Variants in CTNNA3 observed in about 807,000 individuals in gnomAD.
CTNNA3 encodes catenin alpha 3, also known as catenin alpha-3.
CTNNA3 carries 76 observed loss-of-function variants against 95.7 expected under a neutral mutation model. The ratio of observed to expected loss-of-function variants is 0.79; its 90% CI spans 0.66 to 0.96. CTNNA3 has a LOEUF of 0.96. CTNNA3 is among the 40% of genes least tolerant of loss of function. The pLI, the probability that CTNNA3 is intolerant of heterozygous loss-of-function variation, is 0.00. For missense variants in CTNNA3, 1,191 were observed against 1,089.8 expected, an observed-to-expected ratio of 1.09 and a Z score of -1.31; for synonymous variants, 431 against 374.4, an observed-to-expected ratio of 1.15 and a Z score of -1.74.
chr10:67,358,550 A>G (rs1171098913), intron 5 of CTNNA3, among the ~76,000 whole-genome samples: 1 of 152,148 alleles, frequency 6.6e-6, no homozygotes, highest in Non-Finnish European at 1.5e-5. Flanking sequence ...CTAGTCCTGC[A>G]AAGGCCCTAA....
chr10:67,627,391 T>C (rs1039975940), intron 2 of CTNNA3, among the ~76,000 whole-genome samples: 1 of 152,190 alleles, frequency 6.6e-6, no homozygotes, highest in African/African-American at 2.4e-5. Context: ...GAGGGACCTG[T>C]GTCCAGTATC....
intron 3 of CTNNA3, among the ~76,000 whole-genome samples, chr10:67,543,874 C>T (rs1397359513): frequency 6.6e-6 from 1 of 151,944 alleles, no homozygotes; most frequent in Non-Finnish European, 1.5e-5. Context: ...TTTTAGCAGA[C>T]AATTATTTTA....
chr10:66,021,999 T>TGTA (rs1301848662), intron 15 of CTNNA3, among the ~76,000 whole-genome samples: 1 of 151,792 alleles, frequency 6.6e-6, no homozygotes, highest in Admixed American at 6.6e-5. Context: ...ACTACAGGTA[T>TGTA]GTGCCACCAC....
chr10:66,213,426 T>G lies in CTNNA3; in HGVS notation c.1884+67044A>C, dbSNP rs541316923. Among the ~76,000 whole-genome samples the G allele has an allele frequency of 4.6e-5, 7 of 152,318 alleles. No homozygotes were observed. The South Asian group carries it at 8.3e-4, about 18-fold the overall frequency. ...TTATATATCATACTAGCTAGATGAA[T>G]TACTGACTACGCTACATTTTTTCCT... On this transcript the variant is annotated intron_variant, in intron 13 of 17. Transcript: ENST00000433211.
In CTNNA3 at chr10:65,938,898, T is replaced by TC. The variant is rs1008353297; in HGVS notation, c.2401-18282_2401-18281insG. On this transcript the variant is annotated intron_variant, in intron 17 of 17. Transcript: ENST00000433211. ...TAGTAGAAAGAGTTTTCCTTTTTTTTTTTCTCTTTTTTCTTTTCTTTTTAG... is the reference window on the plus strand; with the variant it reads ...TAGTAGAAAGAGTTTTCCTTTTTTTTCTTTCTCTTTTTTCTTTTCTTTTTAG... Among the ~76,000 whole-genome samples, 44 of 149,956 alleles carry TC rather than the reference T, an allele frequency of 2.9e-4. 1 individual carries two copies. The highest frequency in any genetic ancestry group is 1.1e-3 in the African/African-American group (42 of 39,934).
chr10:66,540,894 G>C (rs939390353), intron 10 of CTNNA3, among the ~76,000 whole-genome samples: 2 of 151,922 alleles, frequency 1.3e-5, no homozygotes, highest in African/African-American at 4.8e-5. Flanking sequence ...CTTTTAAAAG[G>C]GATGGTCTTC....
chr10:66,516,186 A>G (rs1168024279), intron 11 of CTNNA3, among the ~76,000 whole-genome samples: 11 of 152,056 alleles, frequency 7.2e-5, no homozygotes. Flanking sequence ...TTTGACTGGG[A>G]AAATTCTGAG....
rs188653103 is a variant in CTNNA3 at position 67,434,755 on chromosome 10, C to T, written c.579+87087G>A. ...AAGGAATCCTAAAAAGCACCTGATT[C>T]GCTTCTTCATTTTTCTGATAAGGAA... On this transcript the variant is annotated intron_variant, in intron 5 of 17. Coordinates refer to ENST00000433211, the MANE Select transcript of CTNNA3 (RefSeq NM_013266.4). Among the ~76,000 whole-genome samples, 5 of 152,052 alleles carry T rather than the reference C, an allele frequency of 3.3e-5. No homozygotes were observed. The East Asian group carries it at 5.8e-4, about 18-fold the overall frequency.
At chr10:67,233,152 C>T (rs1457380537) in intron 5 of CTNNA3, among the ~76,000 whole-genome samples, 1 of 152,176 alleles carries the variant, frequency 6.6e-6, no homozygotes, top group East Asian at 1.9e-4. Flanking sequence ...AGCTCCGCAC[C>T]AAGCGGACCT....
chr10:67,639,628 T>A (rs1483279781), intron 2 of CTNNA3, among the ~76,000 whole-genome samples: 2 of 149,924 alleles, frequency 1.3e-5, no homozygotes, highest in Non-Finnish European at 2.9e-5. Context: ...GCAAACCGAA[T>A]CCAGCAACAC....
intron 9 of CTNNA3, among the ~76,000 whole-genome samples, chr10:66,756,697 C>T (rs1020497332): frequency 6.6e-6 from 1 of 152,080 alleles, no homozygotes; most frequent in African/African-American, 2.4e-5. Flanking sequence ...TTCAATTCAC[C>T]TCCTAATTCA....
intron 10 of CTNNA3, among the ~76,000 whole-genome samples, chr10:66,526,795 T>A (rs1841283505): frequency 6.6e-6 from 1 of 152,146 alleles, no homozygotes; most frequent in South Asian, 2.1e-4. Context: ...TTTAAATTGT[T>A]TTTTCTTGTT....
chr10:66,783,470 G>C (rs1840619639), intron 7 of CTNNA3, among the ~76,000 whole-genome samples: 1 of 152,104 alleles, frequency 6.6e-6, no homozygotes, highest in African/African-American at 2.4e-5. Flanking sequence ...AGTAAGATCT[G>C]ACTCATTCTA....
rs114582760 is a variant in CTNNA3, at chr10:66,869,633, G to A, written c.1048-94109C>T. ...AACAATCAGAAGGCTGGTGCAGGAG[G>A]TAAGTAGTAGAGGAGACAAACTGGG... On this transcript the variant is annotated intron_variant, in intron 7 of 17. Coordinates refer to ENST00000433211, the MANE Select transcript of CTNNA3 (RefSeq NM_013266.4). Among the ~76,000 whole-genome samples the A allele has an allele frequency of 1.0e-2, 1,518 of 152,070 alleles. 26 individuals carry two copies. The highest frequency in any genetic ancestry group is 0.035 in the African/African-American group (1,436 of 41,470).
chr10:66,073,690 G>A (rs1481747044), intron 14 of CTNNA3, among the ~76,000 whole-genome samples: 2 of 151,722 alleles, frequency 1.3e-5, no homozygotes, highest in Non-Finnish European at 2.9e-5. Context: ...GCTGTCTTCT[G>A]GTCTTAATAT....
At chr10:66,889,474 T>C (rs1845174889) in intron 7 of CTNNA3, among the ~76,000 whole-genome samples, 2 of 152,114 alleles carry the variant, frequency 1.3e-5, no homozygotes, top group Admixed American at 1.3e-4. Flanking sequence ...GTGAGTGCAG[T>C]GTGTATGTGG....
At chr10:66,436,501 CTTT>C (rs34165061) in intron 11 of CTNNA3, among the ~76,000 whole-genome samples, 1,487 of 59,924 alleles carry the variant, frequency 0.025, 4 homozygotes, top group Non-Finnish European at 0.034. Flanking sequence ...ACAATCCCTG[CTTT>C]TTTTTTTTTT....
chr10:67,159,319 G>A (rs1220376759), intron 7 of CTNNA3, among the ~76,000 whole-genome samples: 1 of 152,220 alleles, frequency 6.6e-6, no homozygotes, highest in African/African-American at 2.4e-5. Flanking sequence ...GCTTGCCGAT[G>A]CTCCCAGCTG....
At chr10:66,364,489 C>CT (rs1207356133) in intron 12 of CTNNA3, among the ~76,000 whole-genome samples, 2 of 151,922 alleles carry the variant, frequency 1.3e-5, no homozygotes, top group Non-Finnish European at 2.9e-5. Flanking sequence ...AAAAACAACA[C>CT]TTTTTTATAT....
Sources: allele counts gnomAD v4.1 joint callset (sites outside exome capture counted in the v4.1 genomes callset), GRCh38; gene constraint gnomAD v4.1.1; transcripts MANE v1.5; gene names NCBI Gene and HGNC (gene_info 2026-07-23, HGNC 2026-07-21).